Variants in CMIP observed in about 807,000 individuals in gnomAD.
CMIP encodes C-Maf-inducing protein.
A neutral mutation model predicts 97.3 loss-of-function variants in CMIP; 13 were observed. The observed-to-expected ratio is 0.13, with a 90% CI of 0.09 to 0.21. The LOEUF (loss-of-function observed/expected upper bound fraction) is 0.21. CMIP is among the 10% of genes least tolerant of loss of function. CMIP has a pLI of 1.00. For synonymous variants in CMIP, 538 were observed against 436.3 expected, an observed-to-expected ratio of 1.23 and a Z score of -2.91; for missense variants, 847 against 1,024.9, an observed-to-expected ratio of 0.83 and a Z score of 2.37.
At chr16:81,591,402 G>A (rs1198380990) in intron 1 of CMIP, among the ~76,000 whole-genome samples, 1 of 152,226 alleles carries the variant, frequency 6.6e-6, no homozygotes, top group East Asian at 1.9e-4. Context: ...AGGTACTGGG[G>A]TTGAGGCGTG....
At chr16:81,649,313 A>G (rs1476263761) in intron 3 of CMIP, among the ~76,000 whole-genome samples, 1 of 152,178 alleles carries the variant, frequency 6.6e-6, no homozygotes, top group East Asian at 1.9e-4. Context: ...CCCCGCTCCA[A>G]GGAGGGGAGC....
chr16:81,467,308 G>T (rs1323885718), intron 1 of CMIP, among the ~76,000 whole-genome samples: 1 of 152,170 alleles, frequency 6.6e-6, no homozygotes, highest in Non-Finnish European at 1.5e-5. Flanking sequence ...CCGTTGGGAA[G>T]GTGGGACAAA....
chr16:81,704,888 G>A (rs577187826), intron 18 of CMIP, among the ~76,000 whole-genome samples: 5 of 151,554 alleles, frequency 3.3e-5, no homozygotes, highest in Non-Finnish European at 5.9e-5. Flanking sequence ...GCCCAGTTCC[G>A]AGTCCTGAGG....
chr16:81,648,868 C>G (rs993358339), intron 3 of CMIP, among the ~76,000 whole-genome samples: 1 of 145,340 alleles, frequency 6.9e-6, no homozygotes, highest in Non-Finnish European at 1.5e-5. Context: ...AGCTCCCTCA[C>G]TCTTTAGGAA....
intron 1 of CMIP, among the ~76,000 whole-genome samples, chr16:81,572,482 T>A (rs535384653): frequency 6.6e-6 from 1 of 152,346 alleles, no homozygotes; most frequent in African/African-American, 2.4e-5. Flanking sequence ...CCTTTAACAG[T>A]GAGTGGACGG....
chr16:81,610,630 T>A (rs1337726444), intron 2 of CMIP: 1 of 695,710 alleles, frequency 1.4e-6, no homozygotes, highest in African/African-American at 1.9e-5. Flanking sequence ...GCTTCTCCCT[T>A]GCTTCCCTCT....
At chr16:81,630,205 T>G (rs1486957637) in intron 3 of CMIP, 1 of 152,240 alleles carries the variant, frequency 6.6e-6, no homozygotes, top group Non-Finnish European at 1.5e-5. Flanking sequence ...GAATAGCACC[T>G]GCCATGTGGT....
At chr16:81,657,750 C>T (rs1006633771) in intron 4 of CMIP, 25 bp from the exon 5 acceptor site, 2 of 1,580,164 alleles carry the variant, frequency 1.3e-6, no homozygotes, top group African/African-American at 1.4e-5. Flanking sequence ...TGTTTTCCTC[C>T]TGCTGTCTCC....
At chr16:81,553,288 G>A (rs1478430313) in intron 1 of CMIP, among the ~76,000 whole-genome samples, 2 of 152,198 alleles carry the variant, frequency 1.3e-5, no homozygotes, top group African/African-American at 4.8e-5. Flanking sequence ...CACTGGAGCA[G>A]GCCATGCCCC....
chr16:81,544,448 G>A (rs1009891201), intron 1 of CMIP, among the ~76,000 whole-genome samples: 10 of 151,796 alleles, frequency 6.6e-5, no homozygotes, highest in East Asian at 3.9e-4. Context: ...GTGTGTGCGC[G>A]CACACAGGAA....
intron 3 of CMIP, chr16:81,651,382 C>T (rs2092427107): frequency 9.2e-6 from 9 of 973,660 alleles, no homozygotes; most frequent in Non-Finnish European, 1.1e-5. Context: ...AGGCAGCAGC[C>T]CCTGTCCCAA....
intron 3 of CMIP, among the ~76,000 whole-genome samples, chr16:81,641,298 A>G (rs2092304071): frequency 6.6e-6 from 1 of 151,942 alleles, no homozygotes; most frequent in South Asian, 2.1e-4. Flanking sequence ...CCTGCAACAA[A>G]CACCGAGAGC....
rs141823882 is a variant in CMIP, at chr16:81,513,360, G to A, written c.300+67819G>A. 3.5e-3 allele frequency among the ~76,000 whole-genome samples: 539 copies of A among 152,358 alleles called. 5 individuals carry two copies. The highest frequency in any genetic ancestry group is 6.8e-3 in the Middle Eastern group (2 of 294). On this transcript the variant is annotated intron_variant, in intron 1 of 20. Coordinates refer to ENST00000537098, the MANE Select transcript of CMIP (RefSeq NM_198390.3). ...GGCTGGAGTTGAGGAGACAGCCAGC[G>A]CGGCTGGCCTGGGCCCCACGCATAG...
At chr16:81,515,525 G>T (rs1273375116) in intron 1 of CMIP, among the ~76,000 whole-genome samples, 1 of 152,202 alleles carries the variant, frequency 6.6e-6, no homozygotes, top group African/African-American at 2.4e-5. Context: ...CACAGGGCCA[G>T]GGCTGGGGAT....
At chr16:81,697,492 C>T (rs1906871721) in intron 14 of CMIP, 1 of 152,298 alleles carries the variant, frequency 6.6e-6, no homozygotes, top group African/African-American at 2.4e-5. Context: ...CTCCCACACT[C>T]AAACTGGGCT....
intron 4 of CMIP, 57 bp from the exon 5 acceptor site, chr16:81,657,718 T>C: frequency 7.1e-7 from 1 of 1,407,446 alleles, no homozygotes; most frequent in Non-Finnish European, 9.7e-7. Flanking sequence ...CAAATGCTCG[T>C]TTTCTTAATT....
intron 1 of CMIP, among the ~76,000 whole-genome samples, chr16:81,470,037 TCAC>T (rs535454634): frequency 1.2e-3 from 181 of 152,306 alleles, no homozygotes; most frequent in African/African-American, 4.1e-3. Context: ...GCCTGACAGT[TCAC>T]CAAGTACTGT....
intron 6 of CMIP, among the ~76,000 whole-genome samples, chr16:81,662,393 G>A (rs532815644): frequency 5.3e-5 from 8 of 152,312 alleles, no homozygotes; most frequent in Admixed American, 5.2e-4. Flanking sequence ...TTTGGAAAGG[G>A]ATGAGGTAGA....
chr16:81,464,197 T>G (rs1371220285), intron 1 of CMIP: 2 of 152,282 alleles, frequency 1.3e-5, no homozygotes, highest in African/African-American at 4.8e-5. Flanking sequence ...AAAAGGAGTC[T>G]CCCAGGGGAA....
Sources: allele counts gnomAD v4.1 joint callset (sites outside exome capture counted in the v4.1 genomes callset), GRCh38; gene constraint gnomAD v4.1.1; transcripts MANE v1.5; gene names NCBI Gene and HGNC (gene_info 2026-07-23, HGNC 2026-07-21).